LCMT1: variants seen among roughly 807,000 people sequenced by gnomAD.
The protein encoded by LCMT1 is leucine carboxyl methyltransferase 1, also known as [Phosphatase 2A protein]-leucine-carboxy methyltransferase 1.
In LCMT1, 32 loss-of-function variants were observed where a neutral mutation model predicts 47.7. The ratio of observed to expected loss-of-function variants is 0.67; its 90% CI spans 0.51 to 0.90. The LOEUF (loss-of-function observed/expected upper bound fraction) is 0.90, where lower values mean the gene tolerates loss of function less well. Ranked by LOEUF, LCMT1 falls within the 40% of genes least tolerant of loss-of-function variation. LCMT1 has a pLI of 0.00. For synonymous variants in LCMT1, 152 were observed against 149.7 expected (o/e 1.02, Z -0.11); for missense variants, 375 against 415.2 (o/e 0.90, Z 0.84).
At chr16:25,132,636 C>G (rs777525311) in intron 3 of LCMT1, 113 bp downstream of exon 3, 18 of 1,176,364 alleles carry the variant, frequency 1.5e-5, no homozygotes, top group Admixed American at 1.1e-4. Context: ...AAGCCTGTCT[C>G]CCACCCCTGT....
At chr16:25,176,550 C>CTTTTTTTTTT (rs1170373745) in intron 10 of LCMT1, among the ~76,000 whole-genome samples, 7 of 44,266 alleles carry the variant, frequency 1.6e-4, no homozygotes, top group Admixed American at 4.5e-4. Context: ...TTTTTTTTGG[C>CTTTTTTTTTT]TTTTTTTTTT....
intron 3 of LCMT1, among the ~76,000 whole-genome samples, chr16:25,135,848 T>C (rs1051763488): frequency 6.6e-6 from 1 of 151,974 alleles, no homozygotes; most frequent in Non-Finnish European, 1.5e-5. Flanking sequence ...CCCAGCACTT[T>C]GGGATGCCGA....
intron 4 of LCMT1, 160 bp downstream of exon 4, chr16:25,140,407 G>A: frequency 4.9e-6 from 3 of 610,920 alleles, no homozygotes; most frequent in Non-Finnish European, 8.8e-6. Context: ...ATTCCAGCAT[G>A]TTCTACAGTC....
chr16:25,170,307 A>G (rs1247249071), intron 8 of LCMT1, among the ~76,000 whole-genome samples: 1 of 152,234 alleles, frequency 6.6e-6, no homozygotes, highest in Non-Finnish European at 1.5e-5. Flanking sequence ...TGTCACTCAT[A>G]GAAAAGTTCT....
chr16:25,119,728 ATCT>A (rs1959909421), intron 1 of LCMT1, among the ~76,000 whole-genome samples: 1 of 152,138 alleles, frequency 6.6e-6, no homozygotes, highest in African/African-American at 2.4e-5. Flanking sequence ...TCCTGATGAC[ATCT>A]TCTTAGCTAT....
At chr16:25,155,973 C>T (rs944523375) in intron 5 of LCMT1, among the ~76,000 whole-genome samples, 3 of 152,230 alleles carry the variant, frequency 2.0e-5, no homozygotes, top group Non-Finnish European at 2.9e-5. Flanking sequence ...AGCCCCCGCA[C>T]CTGCTCCTGA....
intron 7 of LCMT1, among the ~76,000 whole-genome samples, chr16:25,168,797 T>C (rs1029661836): frequency 6.6e-6 from 1 of 152,238 alleles, no homozygotes; most frequent in Admixed American, 6.5e-5. Context: ...TTATACCTAA[T>C]GCTGTGATAA....
At chr16:25,154,694 T>C (rs1961197981) in intron 5 of LCMT1, among the ~76,000 whole-genome samples, 1 of 151,990 alleles carries the variant, frequency 6.6e-6, no homozygotes. Context: ...TTCACTGTGT[T>C]AGCCAGGATG....
intron 3 of LCMT1, among the ~76,000 whole-genome samples, chr16:25,133,770 A>G (rs1200720764): frequency 6.6e-6 from 1 of 150,970 alleles, no homozygotes; most frequent in Non-Finnish European, 1.5e-5. Context: ...ATGGTGGCTC[A>G]CACTTGTAAT....
At chr16:25,146,745 C>G (rs935674649) in intron 4 of LCMT1, 2 of 152,252 alleles carry the variant, frequency 1.3e-5, no homozygotes, top group African/African-American at 4.8e-5. Flanking sequence ...GATGCTTCCC[C>G]TCTGCTGCCT....
intron 3 of LCMT1, among the ~76,000 whole-genome samples, chr16:25,134,064 T>C (rs1469145459): frequency 6.6e-6 from 1 of 151,562 alleles, no homozygotes; most frequent in Admixed American, 6.6e-5. Flanking sequence ...CCTCACTAAT[T>C]GCATTTTTTT....
At chr16:25,165,558 C>G (rs1465220109) in intron 7 of LCMT1, among the ~76,000 whole-genome samples, 1 of 151,078 alleles carries the variant, frequency 6.6e-6, no homozygotes, top group African/African-American at 2.4e-5. Flanking sequence ...ACTCTTATTG[C>G]CCAGGCTGGA....
At chr16:25,155,676 C>CTTTT (rs35255738) in intron 5 of LCMT1, among the ~76,000 whole-genome samples, 6 of 140,478 alleles carry the variant, frequency 4.3e-5, no homozygotes, top group South Asian at 2.2e-4. Flanking sequence ...TTCTTTCTTT[C>CTTTT]TTTTTTTTTT....
At chr16:25,118,494 G>T (rs1959868671) in intron 1 of LCMT1, among the ~76,000 whole-genome samples, 1 of 152,152 alleles carries the variant, frequency 6.6e-6, no homozygotes, top group Non-Finnish European at 1.5e-5. Context: ...CCAAACACAG[G>T]ATGCAGCTCT....
At position 25,132,322 on chromosome 16, in the gene LCMT1, TCTC is replaced by T. The variant is rs1342756707; in HGVS notation, c.206-77_206-75del. On this transcript the variant is annotated intron_variant, in intron 2 of 10. Transcript: ENST00000399069. ...GGGCGCATGCTCTCTGTTTTGCTCTTCTCCTGGGGTGGGCTTCACAGGGATAAT... is the reference window on the plus strand; with the variant it reads ...GGGCGCATGCTCTCTGTTTTGCTCTTCTGGGGTGGGCTTCACAGGGATAAT... 79 of 1,551,300 alleles carry T rather than the reference TCTC, an allele frequency of 5.1e-5. No homozygotes were observed. In the African/African-American group the frequency reaches 8.3e-4, roughly 16 times the overall value.
At chr16:25,121,897 T>G (rs1960001944) in intron 1 of LCMT1, among the ~76,000 whole-genome samples, 1 of 152,214 alleles carries the variant, frequency 6.6e-6, no homozygotes, top group Non-Finnish European at 1.5e-5. Flanking sequence ...ATTGTCCATG[T>G]CATTTCACAG....
At chr16:25,176,184 T>C (rs1256621909) in intron 10 of LCMT1, among the ~76,000 whole-genome samples, 3 of 152,182 alleles carry the variant, frequency 2.0e-5, no homozygotes, top group Non-Finnish European at 4.4e-5. Flanking sequence ...ACCTTTGTCC[T>C]GGTCCAGCTC....
rs368847770 is a variant in LCMT1, at chr16:25,161,365, T to G, written c.569+161T>G. On this transcript the variant is annotated intron_variant, in intron 6 of 10. Transcript: ENST00000399069. ...TAGTTTTCTGAAAAAAATTCTTTTT[T>G]TTTTTTTTGAGGTGGAGTTTTGCTC... 3.2e-3 allele frequency among the ~76,000 whole-genome samples: 490 copies of G among 152,256 alleles called. 3 individuals are homozygous for G. Among genetic ancestry groups the G allele is most frequent in the African/African-American group, 0.011 (471 of 41,520 alleles).
chr16:25,154,410 T>G (rs1961175760), intron 5 of LCMT1, among the ~76,000 whole-genome samples: 1 of 152,092 alleles, frequency 6.6e-6, no homozygotes, highest in Non-Finnish European at 1.5e-5. Flanking sequence ...TTGTAAATTT[T>G]TTTATTTCCT....
Sources: allele counts gnomAD v4.1 joint callset (sites outside exome capture counted in the v4.1 genomes callset), GRCh38; gene constraint gnomAD v4.1.1; transcripts MANE v1.5; gene names NCBI Gene and HGNC (gene_info 2026-07-23, HGNC 2026-07-21).